Variants in ACSBG1 observed in about 807,000 individuals in gnomAD.
ACSBG1 encodes long-chain-fatty-acid--CoA ligase ACSBG1.
In ACSBG1, 39 loss-of-function variants were observed where a neutral mutation model predicts 80.2. The ratio of observed to expected loss-of-function variants is 0.49; its 90% CI spans 0.38 to 0.64. The LOEUF (loss-of-function observed/expected upper bound fraction) is 0.64. ACSBG1 is among the 30% of genes least tolerant of loss of function. ACSBG1 has a pLI of 0.00. For synonymous variants in ACSBG1, 392 were observed against 379.5 expected (o/e 1.03, Z -0.38); for missense variants, 828 against 966.4 (o/e 0.86, Z 1.90).
chr15:78,225,279 T>C (rs1271480993), intron 1 of ACSBG1, among the ~76,000 whole-genome samples: 3 of 151,958 alleles, frequency 2.0e-5, no homozygotes, highest in African/African-American at 7.3e-5. Context: ...TGGGCACCTG[T>C]AATTTCAGCT....
chr15:78,227,606 C>A (rs1356243489), intron 1 of ACSBG1, among the ~76,000 whole-genome samples: 2 of 152,218 alleles, frequency 1.3e-5, no homozygotes, highest in East Asian at 3.8e-4. Flanking sequence ...ACACACCTAT[C>A]TTCTGATCCA....
In ACSBG1 at chr15:78,168,675, G is replaced by T; in HGVS notation, c.*2769C>A. 1 of 316,062 alleles carries T rather than the reference G, an allele frequency of 3.2e-6. No homozygotes were observed. The highest frequency in any genetic ancestry group is 5.8e-6 in the Non-Finnish European group (1 of 171,822). 19.6% of individuals were successfully genotyped at this position (316,062 alleles called of 1,614,324 possible). Reference sequence around the variant, plus strand: ...AGGGAAAATTTTGGTAAAGCTCCCTGCCTCCCTTTGCATCAAGAGCACCTT... The same window carrying T: ...AGGGAAAATTTTGGTAAAGCTCCCTTCCTCCCTTTGCATCAAGAGCACCTT... On this transcript the variant is annotated 3_prime_UTR_variant, in exon 14 of 14. Coordinates refer to ENST00000258873, the MANE Select transcript of ACSBG1 (RefSeq NM_015162.5).
rs1292466827 is a variant in ACSBG1, at chr15:78,171,482, C to T, written c.2137G>A (p.Gly713Ser). Residue 713 changes from glycine to serine, a missense_variant, in exon 14 of 14, where the codon GGT becomes AGT. Gly to Ser is a moderately conservative substitution (Grantham distance 56, BLOSUM62 0). This residue lies in a region of ACSBG1 where 201 missense variants were observed against 227.0 expected (regional missense o/e 0.89). Transcript: ENST00000258873. ...TCTTGGTAAAAGGAGTCAATGATAC[C>T]TTTGTACTTCTCCAAAACTGTGAGC... Reference protein sequence around the residue: ...KRLTVLEKYKGIIDSFYQEQK... With the variant: ...KRLTVLEKYKSIIDSFYQEQK... 3.7e-6 allele frequency: 6 copies of T among 1,614,032 alleles called. No homozygotes were observed. The African/African-American group carries it at 6.7e-5, about 18-fold the overall frequency.
At position 78,178,110 on chromosome 15, in the gene ACSBG1, C is replaced by T. The variant is rs2074901464; in HGVS notation, c.1702+504G>A. On this transcript the variant is annotated intron_variant, in intron 11 of 13. Coordinates refer to ENST00000258873, the MANE Select transcript of ACSBG1 (RefSeq NM_015162.5). This position sits in a 1 kb window ranked among gnomAD's most constrained non-coding sequence, Gnocchi z 4.3. ...CAAGTTACTTAACCTCTCTGGATGT[C>T]CTCATTAGCAAGTTAAGGTTAATAA... Among the ~76,000 whole-genome samples the T allele has an allele frequency of 6.6e-6, 1 of 152,092 alleles. No individual in the cohort carries two copies. Among genetic ancestry groups the T allele is most frequent in the Admixed American group, 6.6e-5 (1 of 15,256 alleles).
intron 2 of ACSBG1, among the ~76,000 whole-genome samples, chr15:78,202,614 A>C (rs1391938417): frequency 6.6e-6 from 1 of 152,108 alleles, no homozygotes; most frequent in Non-Finnish European, 1.5e-5. Flanking sequence ...CTCTCTCCCT[A>C]GGTTTCTCCT....
chr15:78,215,772 AAG>A lies in ACSBG1; in HGVS notation c.132-7672_132-7671del, dbSNP rs1187169359. On this transcript the variant is annotated intron_variant, in intron 1 of 13. Transcript: ENST00000258873. ...AAAGAAAGAAAGAAAGAAAGAAAGA[AAG>A]AAAGAAAGAAAGAGAAAGAAAGAGA... is the stretch of plus-strand genomic sequence containing the variant. Among the ~76,000 whole-genome samples, 163 of 149,168 alleles carry A rather than the reference AAG, an allele frequency of 1.1e-3. 3 individuals are homozygous for A. Among genetic ancestry groups the A allele is most frequent in the Non-Finnish European group, 3.4e-4 (23 of 67,546 alleles).
intron 1 of ACSBG1, among the ~76,000 whole-genome samples, chr15:78,226,789 TATATATATATATA>T (rs1233912381): frequency 1.9e-5 from 2 of 107,932 alleles, no homozygotes; most frequent in Non-Finnish European, 4.1e-5. Context: ...TAGAAAAATA[TATATATATATATA>T]ATATATATAT....
chr15:78,176,082 T>A (rs910001216), intron 11 of ACSBG1, among the ~76,000 whole-genome samples: 16 of 143,790 alleles, frequency 1.1e-4, no homozygotes, highest in Non-Finnish European at 1.4e-4. Flanking sequence ...AATTTTTTTT[T>A]AAATAAATAG....
intron 11 of ACSBG1, among the ~76,000 whole-genome samples, chr15:78,174,972 T>C (rs761776101): frequency 4.6e-5 from 7 of 152,246 alleles, no homozygotes; most frequent in East Asian, 1.9e-4. Context: ...GACACTCTTA[T>C]TGTTTTGCAG....
chr15:78,229,688 G>C (rs2075431001), intron 1 of ACSBG1, among the ~76,000 whole-genome samples: 1 of 152,104 alleles, frequency 6.6e-6, no homozygotes, highest in African/African-American at 2.4e-5. Flanking sequence ...GGGCCAGATG[G>C]GACCCTTGGA....
Position 78,174,159 on chromosome 15 carries a change from G to C in ACSBG1, c.1842+226C>G, listed in dbSNP as rs140574408. 8.1e-3 allele frequency among the ~76,000 whole-genome samples: 1,231 copies of C among 152,324 alleles called. 11 individuals carry two copies. The highest frequency in any genetic ancestry group is 0.013 in the Non-Finnish European group (904 of 68,028). ...GAGGGCAGCAGCACTTTGTAGACGGGAAAGTGCCAGTAACATGTAAAGGAT... is the reference window on the plus strand; with the variant it reads ...GAGGGCAGCAGCACTTTGTAGACGGCAAAGTGCCAGTAACATGTAAAGGAT... On this transcript the variant is annotated intron_variant, in intron 12 of 13. Coordinates refer to ENST00000258873, the MANE Select transcript of ACSBG1 (RefSeq NM_015162.5).
chr15:78,222,080 T>C (rs531153561), intron 1 of ACSBG1, among the ~76,000 whole-genome samples: 1 of 152,128 alleles, frequency 6.6e-6, no homozygotes, highest in Non-Finnish European at 1.5e-5. Flanking sequence ...GTAAACAAAA[T>C]GTGGTATGTT....
At chr15:78,221,054 A>G (rs928848127) in intron 1 of ACSBG1, among the ~76,000 whole-genome samples, 10 of 152,236 alleles carry the variant, frequency 6.6e-5, no homozygotes, top group African/African-American at 2.4e-4. Flanking sequence ...AACAACCCTG[A>G]AGGGGGCCCT....
chr15:78,184,460 C>T (rs529316297), intron 5 of ACSBG1, among the ~76,000 whole-genome samples: 3 of 152,018 alleles, frequency 2.0e-5, no homozygotes, highest in East Asian at 1.9e-4. Flanking sequence ...TGGGATTATA[C>T]GAATGAGCTG....
chr15:78,182,236 G>A, intron 7 of ACSBG1, 91 bp from the exon 8 acceptor site: 1 of 1,499,016 alleles, frequency 6.7e-7, no homozygotes, highest in Non-Finnish European at 8.9e-7. Flanking sequence ...CAGCCCCAGT[G>A]TGGTGCCCCC....
chr15:78,220,827 G>C (rs893172384), intron 1 of ACSBG1, among the ~76,000 whole-genome samples: 14 of 152,212 alleles, frequency 9.2e-5, no homozygotes, highest in African/African-American at 3.4e-4. Context: ...TGTTGGCAAG[G>C]ATGTGGAGAA....
intron 1 of ACSBG1, 93 bp downstream of exon 1, chr15:78,234,278 A>C: frequency 2.7e-6 from 4 of 1,507,032 alleles, no homozygotes; most frequent in Admixed American, 1.9e-5. Flanking sequence ...TGAGGCTCAG[A>C]GAGAGAAGCA....
At chr15:78,181,232 G>A (rs567956449) in intron 8 of ACSBG1, 12 of 401,582 alleles carry the variant, frequency 3.0e-5, no homozygotes, top group African/African-American at 1.6e-4. Flanking sequence ...CATTCCCCTC[G>A]GCAGCATATG....
Position 78,211,257 on chromosome 15 carries a change from T to C in ACSBG1, c.132-3155A>G, listed in dbSNP as rs564639683. ...GATCCTACAGGTGAGTTGATATTAC[T>C]GTCATTGTGATCATCATGAGCACGC... is the stretch of plus-strand genomic sequence containing the variant. On this transcript the variant is annotated intron_variant, in intron 1 of 13. Coordinates refer to ENST00000258873, the MANE Select transcript of ACSBG1 (RefSeq NM_015162.5). Among the ~76,000 whole-genome samples the C allele has an allele frequency of 2.0e-5, 3 of 152,392 alleles. No individual in the cohort carries two copies. The East Asian group carries it at 5.8e-4, about 29-fold the overall frequency.
Sources: allele counts gnomAD v4.1 joint callset (sites outside exome capture counted in the v4.1 genomes callset), GRCh38; gene constraint gnomAD v4.1.1; regional missense constraint gnomAD v4.1.1; non-coding constraint Gnocchi (gnomAD v3.1); transcripts MANE v1.5; gene names NCBI Gene and HGNC (gene_info 2026-07-23, HGNC 2026-07-21).